TSPAN15: variants seen among roughly 807,000 people sequenced by gnomAD.
The protein encoded by TSPAN15 is tetraspanin-15.
Under a neutral mutation model 34.5 loss-of-function variants are expected in TSPAN15, and 20 were observed. That is an observed-to-expected ratio of 0.58 (90% confidence interval 0.41 to 0.84). The LOEUF (loss-of-function observed/expected upper bound fraction) is 0.84, where lower values mean the gene tolerates loss of function less well. Among genes scored for constraint, TSPAN15 ranks in the 40% least tolerant of loss-of-function variants. The pLI, the probability that TSPAN15 is intolerant of heterozygous loss-of-function variation, is 0.00. For missense variants in TSPAN15, 313 were observed against 386.1 expected (o/e 0.81, Z 1.59); for synonymous variants, 155 against 153.9 (o/e 1.01, Z -0.05).
chr10:69,483,620 C>A, intron 1 of TSPAN15, 71 bp from the exon 2 acceptor site: 1 of 1,511,056 alleles, frequency 6.6e-7, no homozygotes. Flanking sequence ...TACCACAGCC[C>A]CAGATGACTC....
intron 1 of TSPAN15, among the ~76,000 whole-genome samples, chr10:69,470,357 T>C (rs1841478969): frequency 6.6e-6 from 1 of 152,222 alleles, no homozygotes; most frequent in African/African-American, 2.4e-5. Context: ...GATGAACACA[T>C]AGGCTGATGT....
chr10:69,523,545 G>A, the TSPAN15 span: 1 of 419,150 alleles, frequency 2.4e-6, no homozygotes, highest in Non-Finnish European at 4.5e-6. Flanking sequence ...CCTTCCCAGA[G>A]GCATCTGGGA....
chr10:69,487,208 C>T (rs560176781), intron 3 of TSPAN15, among the ~76,000 whole-genome samples: 1 of 152,194 alleles, frequency 6.6e-6, no homozygotes, highest in Non-Finnish European at 1.5e-5. Flanking sequence ...TGCTGCTAGG[C>T]ATGGCTTGAC....
chr10:69,501,444 G>A (rs1481072763), intron 5 of TSPAN15, among the ~76,000 whole-genome samples: 10 of 152,282 alleles, frequency 6.6e-5, no homozygotes, highest in African/African-American at 9.6e-5. Flanking sequence ...CAGGGCGTTC[G>A]CTTCCTCCAT....
intron 1 of TSPAN15, among the ~76,000 whole-genome samples, chr10:69,474,079 C>A (rs1841562618): frequency 6.6e-6 from 1 of 152,078 alleles, no homozygotes; most frequent in South Asian, 2.1e-4. Context: ...GCCAGGTGTC[C>A]CCTGGGAGCC....
the TSPAN15 span, among the ~76,000 whole-genome samples, chr10:69,517,271 C>G: frequency 9.9e-5 from 15 of 152,154 alleles, no homozygotes; most frequent in African/African-American, 3.4e-4. Flanking sequence ...GTGGAAAAAC[C>G]CAGAGAAATC....
Position 69,467,632 on chromosome 10 carries a change from A to G in TSPAN15, c.96+15942A>G, listed in dbSNP as rs1181202062. Among the ~76,000 whole-genome samples, 8 of 134,298 alleles carry G rather than the reference A, an allele frequency of 6.0e-5. No individual in the cohort carries two copies. The East Asian group carries it at 1.6e-3, about 27-fold the overall frequency. The allele number at this position is 134,298 out of a possible 152,430, so 88.1% of individuals were successfully genotyped here. ...TTGTCTCCTCTAAACAAAACAAAAC[A>G]AAACAACACACACACACACACACAC... On this transcript the variant is annotated intron_variant, in intron 1 of 7. Coordinates refer to ENST00000373290, the MANE Select transcript of TSPAN15 (RefSeq NM_012339.5).
chr10:69,515,879 A>G, the TSPAN15 span, among the ~76,000 whole-genome samples: 2 of 152,352 alleles, frequency 1.3e-5, no homozygotes, highest in East Asian at 3.9e-4. Flanking sequence ...TCCACTCCCT[A>G]GAGCCTGGGC....
the TSPAN15 span, among the ~76,000 whole-genome samples, chr10:69,523,886 G>A: frequency 1.4e-5 from 2 of 147,586 alleles, no homozygotes; most frequent in South Asian, 4.3e-4. Flanking sequence ...TTGGCTATTT[G>A]GGGTCCTTTT....
At chr10:69,520,343 C>A in the TSPAN15 span, among the ~76,000 whole-genome samples, 8 of 152,188 alleles carry the variant, frequency 5.3e-5, no homozygotes, top group Admixed American at 5.2e-4. Flanking sequence ...GCATTTGTGT[C>A]AGAATTTTGT....
chr10:69,494,847 C>A, intron 3 of TSPAN15: 1 of 985,610 alleles, frequency 1.0e-6, no homozygotes, highest in Non-Finnish European at 1.2e-6. Context: ...CACGCTCCTG[C>A]CCCCGCCCCT....
At chr10:69,501,284 G>T (rs1480818404) in intron 5 of TSPAN15, among the ~76,000 whole-genome samples, 1 of 152,204 alleles carries the variant, frequency 6.6e-6, no homozygotes, top group African/African-American at 2.4e-5. Context: ...ATCATCTGCA[G>T]ATAGGGTAGA....
chr10:69,499,578 T>A (rs1206525176), intron 5 of TSPAN15, among the ~76,000 whole-genome samples: 1 of 152,226 alleles, frequency 6.6e-6, no homozygotes, highest in East Asian at 1.9e-4. Context: ...GCTGAGAACC[T>A]ACTCTATGCC....
chr10:69,484,022 A>G (rs569507949), intron 2 of TSPAN15, 146 bp downstream of exon 2: 2 of 787,224 alleles, frequency 2.5e-6, no homozygotes, highest in East Asian at 2.7e-5. Flanking sequence ...ATCTGACCAC[A>G]CTGGCCCAAG....
At chr10:69,497,183 T>C (rs1479343634) in intron 4 of TSPAN15, among the ~76,000 whole-genome samples, 1 of 152,192 alleles carries the variant, frequency 6.6e-6, no homozygotes, top group East Asian at 1.9e-4. Context: ...TTGAACTACA[T>C]TGCAGAAAGA....
chr10:69,502,104 AC>A (rs1406133175), intron 5 of TSPAN15, among the ~76,000 whole-genome samples: 1 of 151,862 alleles, frequency 6.6e-6, no homozygotes, highest in Non-Finnish European at 1.5e-5. Context: ...ATGGTCTGTT[AC>A]ATTGTTACTG....
chr10:69,519,792 G>A, the TSPAN15 span, among the ~76,000 whole-genome samples: 1 of 152,082 alleles, frequency 6.6e-6, no homozygotes, highest in South Asian at 2.1e-4. Flanking sequence ...GAGTGCAATG[G>A]CGTGATCTCG....
chr10:69,546,930 G>A, the TSPAN15 span, among the ~76,000 whole-genome samples: 1 of 151,358 alleles, frequency 6.6e-6, no homozygotes, highest in Non-Finnish European at 1.5e-5. Context: ...GATCACATGA[G>A]GTCAGGAGTT....
At chr10:69,478,168 T>C (rs1443019361) in intron 1 of TSPAN15, among the ~76,000 whole-genome samples, 2 of 151,378 alleles carry the variant, frequency 1.3e-5, no homozygotes, top group African/African-American at 4.9e-5. Context: ...GCAGAGCAGG[T>C]GGCAGTGTGC....
Sources: allele counts gnomAD v4.1 joint callset (sites outside exome capture counted in the v4.1 genomes callset), GRCh38; gene constraint gnomAD v4.1.1; transcripts MANE v1.5; gene names NCBI Gene and HGNC (gene_info 2026-07-23, HGNC 2026-07-21).